The following OSTN variants were observed in gnomAD, a reference collection of about 807,000 sequenced individuals.
OSTN encodes the protein osteocrin.
OSTN carries 9 observed loss-of-function variants against 12.0 expected under a neutral mutation model. That is an observed-to-expected ratio of 0.75 (90% CI 0.45 to 1.30). The LOEUF is 1.30. Ranked by LOEUF, OSTN falls within the 50% of genes most tolerant of loss-of-function variation. The probability of loss-of-function intolerance (pLI) is 0.00; values close to 1 mark genes in which losing one functional copy is unlikely to be tolerated. For missense variants in OSTN, 148 were observed against 152.3 expected, an observed-to-expected ratio of 0.97 and a Z score of 0.15; for synonymous variants, 59 against 56.9, an observed-to-expected ratio of 1.04 and a Z score of -0.16.
rs116618571 is a variant in OSTN, at chr3:191,221,069, G to A, written c.317+2108G>A. Among the ~76,000 whole-genome samples the A allele has an allele frequency of 8.1e-3, 1,235 of 152,222 alleles. 13 individuals are homozygous for A. The highest frequency in any genetic ancestry group is 0.028 in the African/African-American group (1,172 of 41,510). Reference sequence around the variant, plus strand: ...CCTGTGATAGTCAGTGAGTTCTCACGAGATCTGATGGCTTTATAAGAGGCG... The same window carrying A: ...CCTGTGATAGTCAGTGAGTTCTCACAAGATCTGATGGCTTTATAAGAGGCG... On this transcript the variant is annotated intron_variant, in intron 3 of 4. Coordinates refer to ENST00000682035, the MANE Select transcript of OSTN (RefSeq NM_198184.2).
At chr3:191,224,198 A>G (rs2108536550) in intron 3 of OSTN, among the ~76,000 whole-genome samples, 1 of 151,970 alleles carries the variant, frequency 6.6e-6, no homozygotes, top group East Asian at 1.9e-4. Context: ...ACCGACATGG[A>G]AAAACCCCGT....
At chr3:191,210,673 C>T (rs1224499915) in intron 1 of OSTN, among the ~76,000 whole-genome samples, 1 of 152,212 alleles carries the variant, frequency 6.6e-6, no homozygotes, top group Non-Finnish European at 1.5e-5. Flanking sequence ...AGATTCCATT[C>T]TAGCACCCAT....
intron 2 of OSTN, among the ~76,000 whole-genome samples, chr3:191,218,495 C>T (rs530505779): frequency 5.5e-4 from 83 of 152,152 alleles, no homozygotes; most frequent in African/African-American, 1.6e-3. Context: ...TGATGGCAGG[C>T]GCCTGTAATC....
At chr3:191,239,313 G>GTGTAAA (rs11282220) in intron 3 of OSTN, among the ~76,000 whole-genome samples, 114,059 of 151,666 alleles carry the variant, frequency 0.75, 43,006 homozygotes, top group Middle Eastern at 0.8. Context: ...TGTATGCCCT[G>GTGTAAA]TGAAGGGATG....
At position 191,218,738 on chromosome 3, in the gene OSTN, G is replaced by T. The variant is rs1452043230; in HGVS notation, c.103-9G>T. 2 of 1,611,638 alleles carry T rather than the reference G, an allele frequency of 1.2e-6. No homozygotes were observed. ...TAAATTAACGGAATCGCCTTTCTCT[G>T]CCTTATAGGCCTTTGATTCTGGAGT... On this transcript the variant is annotated splice_polypyrimidine_tract_variant and intron_variant, in intron 2 of 4. Transcript: ENST00000682035.
chr3:191,202,029 G>A (rs112748401), intron 1 of OSTN, among the ~76,000 whole-genome samples: 1 of 152,270 alleles, frequency 6.6e-6, no homozygotes, highest in Admixed American at 6.5e-5. Flanking sequence ...TCAGGATTCA[G>A]ATCCAGGTCT....
chr3:191,254,626 G>C (rs1267569946), intron 4 of OSTN, among the ~76,000 whole-genome samples: 1 of 152,118 alleles, frequency 6.6e-6, no homozygotes, highest in Non-Finnish European at 1.5e-5. Flanking sequence ...TCTAACAACA[G>C]GTGTCTGTAT....
intron 2 of OSTN, among the ~76,000 whole-genome samples, chr3:191,217,850 C>A (rs547197763): frequency 6.6e-6 from 1 of 151,704 alleles, no homozygotes; most frequent in African/African-American, 2.4e-5. Context: ...CAATGCAGAA[C>A]CTAGCACACA....
chr3:191,204,744 C>T (rs1036003050), intron 1 of OSTN, among the ~76,000 whole-genome samples: 7 of 152,162 alleles, frequency 4.6e-5, no homozygotes, highest in African/African-American at 9.7e-5. Flanking sequence ...ATTGAAATAT[C>T]GAGATTACCT....
chr3:191,265,101 G>C lies in OSTN; in HGVS notation c.*2248G>C, dbSNP rs1449906555. The C allele has an allele frequency of 6.6e-6, 1 of 151,844 alleles. No individual in the cohort carries two copies. Among genetic ancestry groups the C allele is most frequent in the African/African-American group, 2.4e-5 (1 of 41,344 alleles). The allele number at this position is 151,844 out of a possible 1,614,324, so 9.4% of individuals were successfully genotyped here. On this transcript the variant is annotated 3_prime_UTR_variant, in exon 5 of 5. Transcript: ENST00000682035. ...TAAGTCAGCAATATACTAAATAATGGGGCTATTCTTTTAACATAGCAGTAA... is the reference window on the plus strand; with the variant it reads ...TAAGTCAGCAATATACTAAATAATGCGGCTATTCTTTTAACATAGCAGTAA...
chr3:191,207,089 T>C lies in OSTN; in HGVS notation c.1-5444T>C, dbSNP rs530322239. ...AAAATATCCTGCTAAATCTCTTAAA[T>C]GTATGTGCTCTGTCGCGGTGAGAAG... On this transcript the variant is annotated intron_variant, in intron 1 of 4. Transcript: ENST00000682035. 2.6e-5 allele frequency among the ~76,000 whole-genome samples: 4 copies of C among 152,292 alleles called. No individual in the cohort carries two copies. The South Asian group carries it at 6.2e-4, about 24-fold the overall frequency.
intron 1 of OSTN, among the ~76,000 whole-genome samples, chr3:191,204,017 G>A (rs1305298764): frequency 1.3e-5 from 2 of 152,034 alleles, no homozygotes; most frequent in Non-Finnish European, 2.9e-5. Context: ...CCTCCAGAGT[G>A]GCTGGGATTA....
At chr3:191,229,644 A>T (rs568355833) in intron 3 of OSTN, 13 of 152,356 alleles carry the variant, frequency 8.5e-5, no homozygotes, top group Non-Finnish European at 1.9e-4. Flanking sequence ...AAATAAATTA[A>T]TCACATAATA....
At chr3:191,222,023 C>T (rs1714779045) in intron 3 of OSTN, among the ~76,000 whole-genome samples, 1 of 152,244 alleles carries the variant, frequency 6.6e-6, no homozygotes, top group African/African-American at 2.4e-5. Context: ...TGGCGGCTTC[C>T]ACATGCTGTT....
chr3:191,249,750 G>A lies in OSTN; in HGVS notation c.318-287G>A, dbSNP rs187410430. 1.7e-3 allele frequency among the ~76,000 whole-genome samples: 263 copies of A among 152,238 alleles called. 1 individual carries two copies. Among genetic ancestry groups the A allele is most frequent in the Middle Eastern group, 0.01 (3 of 294 alleles). ...ACTAAAGCACTTAGTTGGCAGATTC[G>A]TATGCTGATAAGACCTGGCTTTTGG... On this transcript the variant is annotated intron_variant, in intron 3 of 4. Coordinates refer to ENST00000682035, the MANE Select transcript of OSTN (RefSeq NM_198184.2).
chr3:191,238,896 T>C (rs1010873986), intron 3 of OSTN, among the ~76,000 whole-genome samples: 3 of 152,248 alleles, frequency 2.0e-5, no homozygotes, highest in Non-Finnish European at 2.9e-5. Context: ...ATTCCATATA[T>C]AGGCTTTGCA....
At chr3:191,227,888 A>G (rs965783015) in intron 3 of OSTN, among the ~76,000 whole-genome samples, 3 of 152,208 alleles carry the variant, frequency 2.0e-5, no homozygotes, top group East Asian at 1.9e-4. Flanking sequence ...ATCATGCCAT[A>G]TCAGGTGTTA....
chr3:191,244,290 A>C (rs1245246642), intron 3 of OSTN, among the ~76,000 whole-genome samples: 3 of 152,138 alleles, frequency 2.0e-5, no homozygotes, highest in Admixed American at 6.5e-5. Flanking sequence ...TGTGAAAATT[A>C]GTTTCATTTA....
At chr3:191,211,691 A>G (rs1271721204) in intron 1 of OSTN, among the ~76,000 whole-genome samples, 4 of 152,220 alleles carry the variant, frequency 2.6e-5, no homozygotes, top group Non-Finnish European at 5.9e-5. Context: ...TAATGTGTGT[A>G]AAATGGCATT....
Sources: allele counts gnomAD v4.1 joint callset (sites outside exome capture counted in the v4.1 genomes callset), GRCh38; gene constraint gnomAD v4.1.1; transcripts MANE v1.5; gene names NCBI Gene and HGNC (gene_info 2026-07-23, HGNC 2026-07-21).